CEMIP: variants seen among roughly 807,000 people sequenced by gnomAD.
The protein encoded by CEMIP is cell migration inducing hyaluronidase 1.
CEMIP carries 105 observed loss-of-function variants against 156.9 expected under a neutral mutation model. The observed-to-expected ratio is 0.67, with a 90% confidence interval of 0.57 to 0.79. The LOEUF is 0.79. CEMIP is among the 30% of genes least tolerant of loss of function. CEMIP has a pLI of 0.00. For missense variants in CEMIP, 1,457 were observed against 1,769.4 expected (o/e 0.82, Z 3.17); for synonymous variants, 676 against 668.4 (o/e 1.01, Z -0.17).
At chr15:80,835,243 T>G (rs1897245602) in intron 1 of CEMIP, among the ~76,000 whole-genome samples, 1 of 152,230 alleles carries the variant, frequency 6.6e-6, no homozygotes, top group African/African-American at 2.4e-5. Flanking sequence ...ATGAAGCTAC[T>G]CCAAGTTCCC....
chr15:80,877,752 T>G (rs1898521654), intron 3 of CEMIP, among the ~76,000 whole-genome samples: 1 of 152,212 alleles, frequency 6.6e-6, no homozygotes, highest in African/African-American at 2.4e-5. Context: ...CAGGGAGAAG[T>G]GCCTCTGCAA....
intron 21 of CEMIP, among the ~76,000 whole-genome samples, chr15:80,931,638 T>C (rs1367864338): frequency 6.6e-6 from 1 of 152,184 alleles, no homozygotes; most frequent in Non-Finnish European, 1.5e-5. Flanking sequence ...AGTGTGTCTA[T>C]ACATGCTTTA....
At position 80,896,065 on chromosome 15, in the gene CEMIP, G is replaced by A; in HGVS notation, c.1411+5G>A. The stretch of plus-strand genomic sequence containing the variant: ...CCAACCAGGTCAAAGTGGCAGGTAG[G>A]ACTTTTACTAATCCCTTCCTAGACT... On this transcript the variant is annotated splice_donor_5th_base_variant and intron_variant, in intron 12 of 29. Transcript: ENST00000394685. 6.2e-7 allele frequency: 1 copy of A among 1,613,496 alleles called. No homozygotes were observed. The highest frequency in any genetic ancestry group is 8.5e-7 in the Non-Finnish European group (1 of 1,179,862).
chr15:80,790,272 C>T (rs1222367820), intron 1 of CEMIP, among the ~76,000 whole-genome samples: 1 of 152,140 alleles, frequency 6.6e-6, no homozygotes, highest in Admixed American at 6.5e-5. Context: ...GAACACCAGC[C>T]CCCCAAGCAT....
At chr15:80,888,918 C>A in intron 9 of CEMIP, 122 bp downstream of exon 9, 1 of 948,560 alleles carries the variant, frequency 1.1e-6, no homozygotes, top group Non-Finnish European at 1.7e-6. Flanking sequence ...TTTGCAGAAT[C>A]AACTAAAAAT....
At chr15:80,839,895 C>T (rs537554614) in intron 1 of CEMIP, among the ~76,000 whole-genome samples, 1 of 152,332 alleles carries the variant, frequency 6.6e-6, no homozygotes, top group South Asian at 2.1e-4. Flanking sequence ...CTCACAACAA[C>T]CCTAGCAGGT....
At chr15:80,895,249 G>A (rs572610947) in intron 11 of CEMIP, 127 bp downstream of exon 11, 41 of 1,218,930 alleles carry the variant, frequency 3.4e-5, no homozygotes, top group East Asian at 2.0e-4. Context: ...TTTGTGACAC[G>A]GGAGCAGTGG....
chr15:80,886,476 A>G (rs991386917), intron 7 of CEMIP, among the ~76,000 whole-genome samples: 2 of 152,192 alleles, frequency 1.3e-5, no homozygotes, highest in Admixed American at 6.5e-5. Context: ...CCAAGACAAG[A>G]GATCAAAACA....
At chr15:80,865,246 A>G (rs1306367349) in intron 1 of CEMIP, among the ~76,000 whole-genome samples, 1 of 152,068 alleles carries the variant, frequency 6.6e-6, no homozygotes, top group Non-Finnish European at 1.5e-5. Flanking sequence ...CAGTGGTGCA[A>G]TCTTGGCTCA....
At chr15:80,844,358 C>G (rs943205395) in intron 1 of CEMIP, among the ~76,000 whole-genome samples, 7 of 152,094 alleles carry the variant, frequency 4.6e-5, no homozygotes, top group Non-Finnish European at 8.8e-5. Context: ...GCTCAGGCGA[C>G]AAGCAAAGGC....
chr15:80,848,157 G>C (rs919040580), intron 1 of CEMIP, among the ~76,000 whole-genome samples: 7 of 152,200 alleles, frequency 4.6e-5, no homozygotes, highest in African/African-American at 1.7e-4. Flanking sequence ...ACATCTGAGA[G>C]AGACCCCTGC....
intron 13 of CEMIP, among the ~76,000 whole-genome samples, chr15:80,907,435 G>A (rs776288434): frequency 2.6e-5 from 4 of 152,282 alleles, no homozygotes; most frequent in East Asian, 3.9e-4. Flanking sequence ...GGTGGCGGGC[G>A]CCTGTAATCC....
chr15:80,795,183 T>C (rs1263420710), intron 1 of CEMIP, among the ~76,000 whole-genome samples: 2 of 152,004 alleles, frequency 1.3e-5, no homozygotes, highest in African/African-American at 4.8e-5. Flanking sequence ...ACTGTGAACA[T>C]CATCCTGAAA....
intron 14 of CEMIP, among the ~76,000 whole-genome samples, chr15:80,909,947 G>C (rs1259204498): frequency 2.6e-5 from 4 of 152,094 alleles, no homozygotes; most frequent in African/African-American, 4.8e-5. Flanking sequence ...GTTTTGTTTG[G>C]CTTATACTGT....
At chr15:80,829,559 C>T (rs1186714595) in intron 1 of CEMIP, among the ~76,000 whole-genome samples, 1 of 152,226 alleles carries the variant, frequency 6.6e-6, no homozygotes, top group East Asian at 1.9e-4. Context: ...TTCCACGGAA[C>T]CCTAGGATTT....
At chr15:80,786,485 C>T (rs2248011) in intron 1 of CEMIP, among the ~76,000 whole-genome samples, 127,440 of 151,774 alleles carry the variant, frequency 0.84, 56,960 homozygotes, top group Non-Finnish European at 0.99. Flanking sequence ...CACTGCCTCC[C>T]AAAGTGCTGG....
intron 22 of CEMIP, 26 bp from the exon 23 acceptor site, chr15:80,933,219 G>A (rs1230751171): frequency 1.2e-6 from 2 of 1,604,272 alleles, no homozygotes; most frequent in East Asian, 2.2e-5. Context: ...TTCTAGCCCT[G>A]CCTAACTTTC....
At chr15:80,902,819 G>A (rs1899626900) in intron 12 of CEMIP, among the ~76,000 whole-genome samples, 1 of 152,162 alleles carries the variant, frequency 6.6e-6, no homozygotes, top group Non-Finnish European at 1.5e-5. Context: ...GAGCCTTGGG[G>A]ATGGTGCTAG....
chr15:80,894,034 G>T (rs1227242750), intron 10 of CEMIP, among the ~76,000 whole-genome samples: 1 of 152,130 alleles, frequency 6.6e-6, no homozygotes, highest in Non-Finnish European at 1.5e-5. Context: ...CTCCCTGGAG[G>T]CCTGCTCCCT....
Sources: allele counts gnomAD v4.1 joint callset (sites outside exome capture counted in the v4.1 genomes callset), GRCh38; gene constraint gnomAD v4.1.1; transcripts MANE v1.5; gene names NCBI Gene and HGNC (gene_info 2026-07-23, HGNC 2026-07-21).